The following NBAS variants were observed in gnomAD, a reference collection of about 807,000 sequenced individuals.
NBAS encodes NBAS subunit of NRZ tethering complex.
NBAS carries 219 observed loss-of-function variants against 302.5 expected under a neutral mutation model. The ratio of observed to expected loss-of-function variants is 0.72; its 90% CI spans 0.65 to 0.81. NBAS has a LOEUF of 0.81. NBAS is among the 30% of genes least tolerant of loss of function. The pLI is 0.00. For synonymous variants in NBAS, 1,118 were observed against 1,021.6 expected (o/e 1.09, Z -1.80); for missense variants, 2,932 against 2,841.6 (o/e 1.03, Z -0.72).
chr2:14,950,757 A>G, the NBAS span, among the ~76,000 whole-genome samples: 1 of 152,236 alleles, frequency 6.6e-6, no homozygotes, highest in African/African-American at 2.4e-5. Flanking sequence ...AGGATCACAG[A>G]AGACCTTCCT....
the NBAS span, among the ~76,000 whole-genome samples, chr2:14,872,063 G>C: frequency 6.6e-6 from 1 of 152,236 alleles, no homozygotes; most frequent in East Asian, 1.9e-4. Context: ...CATGTACTAG[G>C]ATGGAAAAAC....
At chr2:15,324,379 T>C (rs11684675) in intron 38 of NBAS, among the ~76,000 whole-genome samples, 7,841 of 152,216 alleles carry the variant, frequency 0.052, 285 homozygotes, top group African/African-American at 0.1. Flanking sequence ...AGCCTACAAA[T>C]CCCTGACAAA....
the NBAS span, among the ~76,000 whole-genome samples, chr2:15,131,229 C>T: frequency 2.0e-5 from 3 of 152,102 alleles, no homozygotes; most frequent in Non-Finnish European, 4.4e-5. Context: ...TTTCAAAGAC[C>T]TTTCCAGCCT....
the NBAS span, among the ~76,000 whole-genome samples, chr2:15,105,646 G>A: frequency 2.7e-4 from 41 of 152,006 alleles, no homozygotes; most frequent in African/African-American, 6.8e-4. Context: ...ACAAAAATGC[G>A]TTTCCAATTT....
the NBAS span, among the ~76,000 whole-genome samples, chr2:14,787,522 G>A: frequency 6.6e-6 from 1 of 152,140 alleles, no homozygotes; most frequent in East Asian, 1.9e-4. Context: ...GCCTGATGGT[G>A]ACATAATCTC....
chr2:14,786,007 T>C, the NBAS span, among the ~76,000 whole-genome samples: 1 of 152,184 alleles, frequency 6.6e-6, no homozygotes, highest in African/African-American at 2.4e-5. Flanking sequence ...GAGCCTGTTA[T>C]TGGTCTATTC....
At chr2:15,341,317 C>A (rs1020132899) in intron 35 of NBAS, among the ~76,000 whole-genome samples, 11 of 151,918 alleles carry the variant, frequency 7.2e-5, no homozygotes, top group Non-Finnish European at 1.6e-4. Context: ...ACCCAGGAGG[C>A]GGAGGTTGCA....
chr2:14,808,065 C>T, the NBAS span, among the ~76,000 whole-genome samples: 1 of 152,140 alleles, frequency 6.6e-6, no homozygotes, highest in African/African-American at 2.4e-5. Context: ...AATATTATAG[C>T]TATTATATGC....
rs138777727 is a variant in NBAS, at chr2:15,299,568, G to A, written c.4798-6802C>T. ...TTTTCAATTAGTAGCTTAAAAAAAC[G>A]CATTTTAGAAATAGTCTACCATAAA... On this transcript the variant is annotated intron_variant, in intron 40 of 51. Transcript: ENST00000281513. 5.2e-3 allele frequency among the ~76,000 whole-genome samples: 787 copies of A among 152,172 alleles called. 5 individuals carry two copies. Among genetic ancestry groups the A allele is most frequent in the African/African-American group, 0.016 (674 of 41,506 alleles).
At position 15,217,530 on chromosome 2, in the gene NBAS, C is replaced by T. The variant is rs542751167; in HGVS notation, c.6432+1243G>A. 8.5e-5 allele frequency among the ~76,000 whole-genome samples: 13 copies of T among 152,230 alleles called. No individual in the cohort carries two copies. In the East Asian group the frequency reaches 1.7e-3, roughly 20 times the overall value. Reference sequence around the variant, plus strand: ...ATTATAAACTTGCTTTAAGATTAGACGGTAGAATGAGTTGCAGTTAGACCT... The same window carrying T: ...ATTATAAACTTGCTTTAAGATTAGATGGTAGAATGAGTTGCAGTTAGACCT... On this transcript the variant is annotated intron_variant, in intron 48 of 51. Coordinates refer to ENST00000281513, the MANE Select transcript of NBAS (RefSeq NM_015909.4).
At chr2:15,158,196 G>A in the NBAS span, among the ~76,000 whole-genome samples, 1 of 152,146 alleles carries the variant, frequency 6.6e-6, no homozygotes, top group Non-Finnish European at 1.5e-5. Context: ...AAATTCTCTG[G>A]CCCCTACAAC....
the NBAS span, among the ~76,000 whole-genome samples, chr2:14,953,638 T>C: frequency 6.6e-6 from 1 of 152,092 alleles, no homozygotes; most frequent in East Asian, 1.9e-4. Flanking sequence ...AAGAGCTCCA[T>C]CCATTGCTGA....
At chr2:14,795,007 G>T in the NBAS span, among the ~76,000 whole-genome samples, 1 of 152,260 alleles carries the variant, frequency 6.6e-6, no homozygotes, top group East Asian at 1.9e-4. Flanking sequence ...GCCTGTTAAT[G>T]AACATTTATG....
rs73194928 is a variant in NBAS at position 15,177,882 on chromosome 2, G to A, written c.6840+1106C>T. The A allele has an allele frequency of 9.4e-3, 2,684 of 285,892 alleles. 61 individuals carry two copies. The highest frequency in any genetic ancestry group is 0.054 in the African/African-American group (2,465 of 45,830). The allele number at this position is 285,892 out of a possible 1,614,324, so 17.7% of individuals were successfully genotyped here. ...TGATTAATTATTGGTGATCAGGTAC[G>A]GTATTCACAAAACCCTTGCAGAAGC... On this transcript the variant is annotated intron_variant, in intron 51 of 51. Transcript: ENST00000281513.
At chr2:15,497,837 A>G (rs1681125710) in intron 11 of NBAS, among the ~76,000 whole-genome samples, 3 of 152,208 alleles carry the variant, frequency 2.0e-5, no homozygotes, top group African/African-American at 7.2e-5. Flanking sequence ...AGTAACACCT[A>G]TGAGTAGGTA....
intron 21 of NBAS, among the ~76,000 whole-genome samples, chr2:15,442,153 G>A (rs1163046736): frequency 6.3e-5 from 8 of 126,688 alleles, no homozygotes; most frequent in African/African-American, 1.2e-4. Flanking sequence ...TGCACCAAGC[G>A]GACCTAATAG....
chr2:14,873,076 G>C, the NBAS span, among the ~76,000 whole-genome samples: 2 of 152,216 alleles, frequency 1.3e-5, no homozygotes, highest in East Asian at 3.9e-4. Context: ...CGGGTGGACT[G>C]CGTTTATTCC....
the NBAS span, among the ~76,000 whole-genome samples, chr2:14,847,869 C>T: frequency 6.6e-5 from 10 of 152,076 alleles, no homozygotes; most frequent in African/African-American, 2.2e-4. Flanking sequence ...CAAGGACAGG[C>T]CATATGTTAG....
At chr2:15,089,742 CTTTTTT>C in the NBAS span, among the ~76,000 whole-genome samples, 2 of 78,790 alleles carry the variant, frequency 2.5e-5, no homozygotes, top group African/African-American at 5.0e-5. Context: ...TGGGTCAGGA[CTTTTTT>C]TTTTTTTTTT....
Sources: gnomAD v4.1 joint callset for allele counts (sites outside exome capture counted in the v4.1 genomes callset) on GRCh38, gnomAD v4.1.1 for gene constraint, MANE v1.5 for transcripts, NCBI Gene and HGNC (gene_info 2026-07-23, HGNC 2026-07-21) for gene names.